Variants in GLDN observed in about 807,000 individuals in gnomAD.
GLDN encodes the protein gliomedin.
GLDN carries 47 observed loss-of-function variants against 56.5 expected under a neutral mutation model. The observed-to-expected ratio is 0.83, with a 90% CI of 0.66 to 1.06. The LOEUF (loss-of-function observed/expected upper bound fraction) is 1.06, where lower values mean the gene tolerates loss of function less well. Ranked by LOEUF, GLDN falls within the 50% of genes least tolerant of loss-of-function variation. GLDN has a pLI of 0.00. For missense variants in GLDN, 782 were observed against 714.3 expected, an observed-to-expected ratio of 1.09 and a Z score of -1.08; for synonymous variants, 332 against 278.8, an observed-to-expected ratio of 1.19 and a Z score of -1.90.
intron 4 of GLDN, among the ~76,000 whole-genome samples, chr15:51,387,657 A>C (rs1188876452): frequency 6.6e-6 from 1 of 152,128 alleles, no homozygotes; most frequent in Non-Finnish European, 1.5e-5. Flanking sequence ...GAGTTAAAGG[A>C]TCATTCGTGG....
intron 2 of GLDN, among the ~76,000 whole-genome samples, chr15:51,380,489 A>G (rs1189454241): frequency 6.6e-6 from 1 of 152,170 alleles, no homozygotes; most frequent in East Asian, 1.9e-4. Flanking sequence ...CACATGTGGG[A>G]GCTCTTCCAG....
Position 51,387,472 on chromosome 15 carries a change from A to C in GLDN, c.541+3580A>C, listed in dbSNP as rs1183636909. Among the ~76,000 whole-genome samples, 8 of 152,150 alleles carry C rather than the reference A, an allele frequency of 5.3e-5. 1 individual carries two copies. Among genetic ancestry groups the C allele is most frequent in the Admixed American group, 4.6e-4 (7 of 15,284 alleles). On this transcript the variant is annotated intron_variant, in intron 4 of 9. Coordinates refer to ENST00000335449, the MANE Select transcript of GLDN (RefSeq NM_181789.4). ...CAGATGAGAAGGGAGGGCCTGGCGCACACAGAGGGTGCGGTCACACAGCCA... is the reference window on the plus strand; with the variant it reads ...CAGATGAGAAGGGAGGGCCTGGCGCCCACAGAGGGTGCGGTCACACAGCCA...
intron 1 of GLDN, among the ~76,000 whole-genome samples, chr15:51,374,395 G>A (rs752843509): frequency 6.6e-6 from 1 of 152,124 alleles, no homozygotes; most frequent in Admixed American, 6.5e-5. Context: ...AATGACTAAA[G>A]GCAGTGAATC....
chr15:51,405,971 A>G lies in GLDN; in HGVS notation c.*1217A>G, dbSNP rs943226956. 1 of 152,206 alleles carries G rather than the reference A, an allele frequency of 6.6e-6. No homozygotes were observed. The highest frequency in any genetic ancestry group is 1.5e-5 in the Non-Finnish European group (1 of 68,034). The allele number at this position is 152,206 out of a possible 1,614,324, so 9.4% of individuals were successfully genotyped here. ...ATATTGACCAGCTACCCCTTTATGG[A>G]AAAAGATTGCTGACTCCTGATAAAG... On this transcript the variant is annotated 3_prime_UTR_variant, in exon 10 of 10. Coordinates refer to ENST00000335449, the MANE Select transcript of GLDN (RefSeq NM_181789.4).
chr15:51,347,739 A>G (rs1290749669), intron 1 of GLDN, among the ~76,000 whole-genome samples: 1 of 152,238 alleles, frequency 6.6e-6, no homozygotes, highest in South Asian at 2.1e-4. Context: ...TGAATGACAT[A>G]TGTACATATT....
intron 5 of GLDN, among the ~76,000 whole-genome samples, chr15:51,396,186 C>T (rs908236308): frequency 4.6e-5 from 7 of 152,326 alleles, no homozygotes; most frequent in Middle Eastern, 6.8e-3. Flanking sequence ...GCCCTAATTG[C>T]CTGCACGGCC....
At chr15:51,402,857 A>G (rs904962803) in intron 9 of GLDN, among the ~76,000 whole-genome samples, 1 of 152,052 alleles carries the variant, frequency 6.6e-6, no homozygotes, top group African/African-American at 2.4e-5. Context: ...CCCCATCATC[A>G]TCTCTACACC....
At chr15:51,410,566 C>T (rs906339465), downstream of GLDN, among the ~76,000 whole-genome samples, 4 of 152,178 alleles carry the variant, frequency 2.6e-5, no homozygotes, top group East Asian at 1.9e-4. Context: ...CTGCTTCTGG[C>T]ACCTCCTTTC....
At chr15:51,409,397 A>C (rs148957476), downstream of GLDN, among the ~76,000 whole-genome samples, 586 of 152,276 alleles carry the variant, frequency 3.8e-3, 5 homozygotes, top group South Asian at 0.032. Context: ...TAAGTGGACC[A>C]TTCAGACCAT....
In GLDN at chr15:51,341,768, G is replaced by T. The variant is rs780182539; in HGVS notation, c.84G>T (p.Ala28=). ...GALAAVALLS[A]LNAAGTVFAL... is the part of the protein sequence containing the mutation. ...TGGCGGCCGTGGCGCTGCTCTCGGC[G>T]CTCAACGCTGCGGGCACGGTGTTCG... The change falls in exon 1 of 10, where the codon GCG becomes GCT. Residue 28 remains alanine, a synonymous_variant. Coordinates refer to ENST00000335449, the MANE Select transcript of GLDN (RefSeq NM_181789.4). 2.4e-4 allele frequency: 354 copies of T among 1,491,936 alleles called. No homozygotes were observed. Among genetic ancestry groups the T allele is most frequent in the Admixed American group, 6.1e-4 (27 of 43,984 alleles). The allele number at this position is 1,491,936 out of a possible 1,614,324, so 92.4% of individuals were successfully genotyped here.
chr15:51,353,872 C>T (rs1337050258), intron 1 of GLDN, among the ~76,000 whole-genome samples: 1 of 151,990 alleles, frequency 6.6e-6, no homozygotes, highest in Non-Finnish European at 1.5e-5. Flanking sequence ...AATTTACATG[C>T]ATTTTATCTA....
At chr15:51,380,224 T>G (rs1437668844) in intron 2 of GLDN, among the ~76,000 whole-genome samples, 5 of 152,230 alleles carry the variant, frequency 3.3e-5, no homozygotes, top group African/African-American at 1.2e-4. Flanking sequence ...AAAGACAAGA[T>G]CACTGGGAAT....
chr15:51,402,244 C>T (rs922275158), intron 9 of GLDN, among the ~76,000 whole-genome samples: 19 of 152,240 alleles, frequency 1.2e-4, no homozygotes, highest in Admixed American at 2.0e-4. Flanking sequence ...CCGCCCTCTG[C>T]TCTCCCATAG....
chr15:51,358,656 G>A (rs2037232829), intron 1 of GLDN, among the ~76,000 whole-genome samples: 1 of 152,288 alleles, frequency 6.6e-6, no homozygotes, highest in South Asian at 2.1e-4. Flanking sequence ...GCTCACTAGG[G>A]GATGACTAGG....
At position 51,375,858 on chromosome 15, in the gene GLDN, C is replaced by T. The variant is rs187278195; in HGVS notation, c.364-1591C>T. On this transcript the variant is annotated intron_variant, in intron 1 of 9. Transcript: ENST00000335449. ...GTGTTCACCCAGTTAATAGGTGCTTCCTCCCAACCACTAGGCTCACCACCC... is the reference window on the plus strand; with the variant it reads ...GTGTTCACCCAGTTAATAGGTGCTTTCTCCCAACCACTAGGCTCACCACCC... 3.1e-4 allele frequency among the ~76,000 whole-genome samples: 47 copies of T among 152,284 alleles called. 1 individual carries two copies. Among genetic ancestry groups the T allele is most frequent in the African/African-American group, 1.1e-3 (46 of 41,546 alleles).
intron 1 of GLDN, among the ~76,000 whole-genome samples, chr15:51,350,569 G>C (rs980992401): frequency 6.6e-6 from 1 of 152,110 alleles, no homozygotes; most frequent in Non-Finnish European, 1.5e-5. Flanking sequence ...CCATCTCTAG[G>C]TATCAATTAA....
At chr15:51,399,170 A>G (rs2038196975) in intron 6 of GLDN, among the ~76,000 whole-genome samples, 1 of 152,154 alleles carries the variant, frequency 6.6e-6, no homozygotes, top group Admixed American at 6.5e-5. Flanking sequence ...GGAAGTTGTA[A>G]CAGATCCCCG....
rs567268544 is a variant in GLDN at position 51,377,525 on chromosome 15, G to A, written c.415+25G>A. 1.3e-4 allele frequency: 211 copies of A among 1,605,056 alleles called. No individual in the cohort carries two copies. The South Asian group carries it at 2.1e-3, about 16-fold the overall frequency. On this transcript the variant is annotated intron_variant, in intron 2 of 9. Transcript: ENST00000335449. ...GGTAGGCTGGCCGCTGAGCAGAGCC[G>A]CTCACACAACAAGGACTTGTGCCGC...
intron 1 of GLDN, among the ~76,000 whole-genome samples, chr15:51,355,671 G>C (rs796213523): frequency 1.9e-4 from 29 of 150,852 alleles, no homozygotes; most frequent in African/African-American, 6.3e-4. Context: ...CCACAGGCAC[G>C]CACCAACACA....
Sources: allele counts gnomAD v4.1 joint callset (sites outside exome capture counted in the v4.1 genomes callset), GRCh38; gene constraint gnomAD v4.1.1; transcripts MANE v1.5; gene names NCBI Gene and HGNC (gene_info 2026-07-23, HGNC 2026-07-21).